GPC6: variants seen among roughly 807,000 people sequenced by gnomAD.
GPC6 encodes glypican 6.
GPC6 carries 14 observed loss-of-function variants against 55.2 expected under a neutral mutation model. The ratio of observed to expected loss-of-function variants is 0.25; its 90% CI spans 0.17 to 0.40. The LOEUF (loss-of-function observed/expected upper bound fraction) is 0.40. GPC6 is among the 10% of genes least tolerant of loss of function. The pLI is 1.00. For missense variants in GPC6, 641 were observed against 708.5 expected, an observed-to-expected ratio of 0.90 and a Z score of 1.08; for synonymous variants, 278 against 259.6, an observed-to-expected ratio of 1.07 and a Z score of -0.68.
intron 2 of GPC6, among the ~76,000 whole-genome samples, chr13:93,614,103 A>G (rs80127031): frequency 9.8e-4 from 150 of 152,292 alleles, no homozygotes; most frequent in Non-Finnish European, 1.9e-3. Flanking sequence ...CTCCTCAAAT[A>G]TGTTTTGATT....
At chr13:93,729,901 G>A (rs191515384) in intron 2 of GPC6, among the ~76,000 whole-genome samples, 7 of 152,162 alleles carry the variant, frequency 4.6e-5, no homozygotes, top group East Asian at 1.9e-4. Context: ...CATAAACAAT[G>A]GCAAATACAA....
rs188556285 is a variant in GPC6, at chr13:93,439,520, G to A, written c.161-105743G>A. On this transcript the variant is annotated intron_variant, in intron 1 of 8. Transcript: ENST00000377047. The stretch of plus-strand genomic sequence containing the variant: ...ATTGTGAGGCCTTCCCAGCTATGTC[G>A]AACTGTGAGTCAATTAATCCTCTTT... 7.4e-3 allele frequency among the ~76,000 whole-genome samples: 1,131 copies of A among 151,950 alleles called. 8 individuals carry two copies. Among genetic ancestry groups the A allele is most frequent in the Non-Finnish European group, 0.012 (797 of 67,972 alleles).
intron 2 of GPC6, among the ~76,000 whole-genome samples, chr13:93,588,650 T>A (rs887377688): frequency 6.6e-5 from 10 of 152,250 alleles, no homozygotes; most frequent in African/African-American, 2.4e-4. Flanking sequence ...AGTAATCTTA[T>A]AATCATGGTG....
intron 4 of GPC6, among the ~76,000 whole-genome samples, chr13:94,284,853 T>C (rs1422287491): frequency 6.9e-6 from 1 of 145,852 alleles, no homozygotes; most frequent in African/African-American, 2.6e-5. Flanking sequence ...TTAGTGTTTT[T>C]ATTGTGGATA....
In GPC6 at chr13:93,830,370, A is replaced by G. The variant is rs754743416; in HGVS notation, c.536A>G (p.Gln179Arg). Residue 179 changes from glutamine (Q) to arginine (R), a missense_variant, in exon 3 of 9, where the codon CAG becomes CGG. Transcript: ENST00000377047. ...CGGATGTTTCAGCTGATAAACCCTC[A>G]GTATCACTTCAGTGAAGACTACCTG... The part of the protein sequence containing the change: ...LERMFQLINP[Q>R]YHFSEDYLEC... 7 of 1,613,820 alleles carry G rather than the reference A, an allele frequency of 4.3e-6. No homozygotes were observed. In the Admixed American group the frequency reaches 6.7e-5, roughly 15 times the overall value.
chr13:93,619,279 A>T (rs1011724173), intron 2 of GPC6, among the ~76,000 whole-genome samples: 1 of 152,130 alleles, frequency 6.6e-6, no homozygotes, highest in African/African-American at 2.4e-5. Flanking sequence ...AAATGCACCA[A>T]ATTTATGAAT....
At chr13:93,245,624 G>A (rs945803827) in intron 1 of GPC6, among the ~76,000 whole-genome samples, 1 of 152,070 alleles carries the variant, frequency 6.6e-6, no homozygotes, top group Admixed American at 6.6e-5. Flanking sequence ...TGAGTCTCTG[G>A]GGCTCATACT....
At chr13:93,308,059 C>T (rs565585011) in intron 1 of GPC6, among the ~76,000 whole-genome samples, 3 of 152,134 alleles carry the variant, frequency 2.0e-5, no homozygotes, top group South Asian at 4.1e-4. Flanking sequence ...CCGAGGTGGG[C>T]GGATCACGAA....
chr13:94,341,453 G>A (rs1878030858), intron 6 of GPC6, among the ~76,000 whole-genome samples: 1 of 152,008 alleles, frequency 6.6e-6, no homozygotes, highest in Non-Finnish European at 1.5e-5. Flanking sequence ...AGATGTGGTG[G>A]CGTGCACCTG....
intron 4 of GPC6, among the ~76,000 whole-genome samples, chr13:94,041,872 A>G (rs9589887): frequency 0.028 from 4,282 of 152,000 alleles, 202 homozygotes; most frequent in African/African-American, 0.098. Flanking sequence ...AAAAGTTGCA[A>G]AAGTAGTACA....
At chr13:94,000,401 A>G (rs1881746463) in intron 3 of GPC6, among the ~76,000 whole-genome samples, 1 of 152,200 alleles carries the variant, frequency 6.6e-6, no homozygotes, top group African/African-American at 2.4e-5. Context: ...GCTAGCATAA[A>G]CTAAGACACC....
At chr13:93,235,593 A>G (rs1459566168) in intron 1 of GPC6, among the ~76,000 whole-genome samples, 2 of 152,082 alleles carry the variant, frequency 1.3e-5, no homozygotes, top group Non-Finnish European at 2.9e-5. Flanking sequence ...AGAGGAGTGA[A>G]GAAGGGGTGA....
intron 2 of GPC6, among the ~76,000 whole-genome samples, chr13:93,787,768 G>T (rs772078582): frequency 4.6e-5 from 7 of 152,030 alleles, no homozygotes; most frequent in Non-Finnish European, 7.4e-5. Context: ...TCAAACACCA[G>T]ATCTTATTTC....
intron 2 of GPC6, among the ~76,000 whole-genome samples, chr13:93,765,269 A>AAAGACAACTTTCCAGATAAGCTGTCTGGG (rs1885084999): frequency 6.6e-6 from 1 of 152,046 alleles, no homozygotes; most frequent in Non-Finnish European, 1.5e-5. Flanking sequence ...AGCTGTCTGG[A>AAAGACAACTTTCCAGATAAGCTGTCTGGG]AAGACAACTT....
At chr13:94,323,048 A>T in intron 6 of GPC6, among the ~76,000 whole-genome samples, 1 of 152,200 alleles carries the variant, frequency 6.6e-6, no homozygotes, top group East Asian at 1.9e-4. Context: ...GAACAGCCTC[A>T]TAAAACCTGC....
chr13:93,486,695 C>T (rs1010371900), intron 1 of GPC6, among the ~76,000 whole-genome samples: 5 of 152,164 alleles, frequency 3.3e-5, no homozygotes, highest in African/African-American at 1.2e-4. Context: ...ACCTGTAATC[C>T]CAGCACTTTG....
At chr13:93,921,449 A>C (rs1021325439) in intron 3 of GPC6, among the ~76,000 whole-genome samples, 5 of 152,088 alleles carry the variant, frequency 3.3e-5, no homozygotes, top group African/African-American at 1.2e-4. Context: ...AGGATAGTAA[A>C]TGTAGGGGAT....
At position 94,270,001 on chromosome 13, in the gene GPC6, A is replaced by T. The variant is rs1891940408; in HGVS notation, c.878-16348A>T. Among the ~76,000 whole-genome samples the T allele has an allele frequency of 2.6e-5, 4 of 152,316 alleles. No individual in the cohort carries two copies. In the South Asian group the frequency reaches 8.3e-4, roughly 32 times the overall value. On this transcript the variant is annotated intron_variant, in intron 4 of 8. Coordinates refer to ENST00000377047, the MANE Select transcript of GPC6 (RefSeq NM_005708.5). ...AACCCCTTTATGATTGCAAGGGGGA[A>T]ACAAATGATCTGTTTTAAAACCTAA...
intron 4 of GPC6, among the ~76,000 whole-genome samples, chr13:94,120,091 T>C (rs980524841): frequency 3.3e-5 from 5 of 151,974 alleles, no homozygotes; most frequent in African/African-American, 1.2e-4. Context: ...AATTTAATTT[T>C]TAAGAATGGC....
Sources: allele counts gnomAD v4.1 joint callset (sites outside exome capture counted in the v4.1 genomes callset), GRCh38; gene constraint gnomAD v4.1.1; transcripts MANE v1.5; gene names NCBI Gene and HGNC (gene_info 2026-07-23, HGNC 2026-07-21).